Variants in MEGF6 observed in about 807,000 individuals in gnomAD.
The protein encoded by MEGF6 is multiple EGF like domains 6, also known as multiple epidermal growth factor-like domains protein 6.
In MEGF6, 184 loss-of-function variants were observed where a neutral mutation model predicts 207.1. The ratio of observed to expected loss-of-function variants is 0.89; its 90% CI spans 0.79 to 1.00. The LOEUF is 1.00. MEGF6 is among the 50% of genes least tolerant of loss of function. The pLI, the probability that MEGF6 is intolerant of heterozygous loss-of-function variation, is 0.00. For missense variants in MEGF6, 2,282 were observed against 2,202.9 expected (o/e 1.04, Z -0.72); for synonymous variants, 1,038 against 910.0 (o/e 1.14, Z -2.53).
At chr1:3,550,494 C>G (rs1400101767) in intron 4 of MEGF6, among the ~76,000 whole-genome samples, 1 of 139,806 alleles carries the variant, frequency 7.2e-6, no homozygotes, top group Non-Finnish European at 1.5e-5. Context: ...CACAAAGGGT[C>G]GCTATGTTTC....
At position 3,531,504 on chromosome 1, in the gene MEGF6, G is replaced by GC. The variant is rs996367271; in HGVS notation, c.482-7259dup. The GC allele has an allele frequency of 4.9e-5, 52 of 1,051,584 alleles. 1 individual carries two copies. The highest frequency in any genetic ancestry group is 5.3e-5 in the Non-Finnish European group (46 of 873,790). The allele number at this position is 1,051,584 out of a possible 1,614,324, so 65.1% of individuals were successfully genotyped here. ...AAGTCCGCAGACAACCGAGGGAGCC[G>GC]CCCCCGGCCCCGCCCCGAGCCCCGC... On this transcript the variant is annotated intron_variant, in intron 4 of 36. Coordinates refer to ENST00000356575, the MANE Select transcript of MEGF6 (RefSeq NM_001409.4).
At position 3,595,428 on chromosome 1, in the gene MEGF6, A is replaced by G. The variant is rs1172986358; in HGVS notation, c.286T>C (p.Tyr96His). ...HERRTVYYMG[Y>H]RQVYTTEART... ...GCCTCCGTGGTATACACCTGCCTGT[A>G]GCCCATGTAGTAGACGGTTCTAGAA... is the stretch of plus-strand genomic sequence containing the variant. The change falls in exon 3 of 37, where the codon TAC becomes CAC. Residue 96 changes from tyrosine (Y) to histidine (H), a missense_variant. Coordinates refer to ENST00000356575, the MANE Select transcript of MEGF6 (RefSeq NM_001409.4). 1.1e-5 allele frequency: 18 copies of G among 1,612,630 alleles called. No individual in the cohort carries two copies. Among genetic ancestry groups the G allele is most frequent in the Non-Finnish European group, 1.5e-5 (18 of 1,179,840 alleles).
At chr1:3,623,813 C>A in the MEGF6 span, among the ~76,000 whole-genome samples, 1 of 152,190 alleles carries the variant, frequency 6.6e-6, no homozygotes, top group African/African-American at 2.4e-5. Context: ...ATTTTGGCCT[C>A]CCTTTTCTCT....
chr1:3,577,971 C>T lies in MEGF6; in HGVS notation c.481+1854G>A, dbSNP rs988552954. 9.4e-4 allele frequency among the ~76,000 whole-genome samples: 143 copies of T among 152,358 alleles called. 1 individual carries two copies. Among genetic ancestry groups the T allele is most frequent in the Non-Finnish European group, 2.1e-4 (14 of 68,032 alleles). Reference sequence around the variant, plus strand: ...GCAAGCCCTGTGCCTGCCGATGCCCCGGGGTCCACGCGTCAGGGTCTCATG... The same window carrying T: ...GCAAGCCCTGTGCCTGCCGATGCCCTGGGGTCCACGCGTCAGGGTCTCATG... On this transcript the variant is annotated intron_variant, in intron 4 of 36. Coordinates refer to ENST00000356575, the MANE Select transcript of MEGF6 (RefSeq NM_001409.4).
chr1:3,497,051 A>C lies in MEGF6; in HGVS notation c.3550T>G (p.Cys1184Gly), dbSNP rs1640637667. ...GAGCAGGTCCCGGTGGCAGGGTGGC[A>C]GGCCGGGTTCTCACCGGGACACTGG... The part of the protein sequence containing the change: ...MCQCPGENPA[C>G]HPATGTCSCA... The change falls in exon 28 of 37, where the codon TGC becomes GGC. Residue 1184 changes from cysteine to glycine, a missense_variant. Transcript: ENST00000356575. 1 of 1,557,432 alleles carries C rather than the reference A, an allele frequency of 6.4e-7. No individual in the cohort carries two copies. Among genetic ancestry groups the C allele is most frequent in the East Asian group, 2.4e-5 (1 of 41,610 alleles).
intron 4 of MEGF6, among the ~76,000 whole-genome samples, chr1:3,526,709 C>T (rs1315592953): frequency 6.6e-6 from 1 of 152,182 alleles, no homozygotes; most frequent in Non-Finnish European, 1.5e-5. Context: ...CAGGTGACAC[C>T]TTTTATCCGA....
At chr1:3,511,831 G>A (rs1570007437) in intron 8 of MEGF6, 144 bp from the exon 9 acceptor site, 1 of 1,432,142 alleles carries the variant, frequency 7.0e-7, no homozygotes, top group Non-Finnish European at 9.4e-7. Context: ...CCCAGGCCTT[G>A]TTGGGTCTGG....
Position 3,565,746 on chromosome 1 carries a change from G to C in MEGF6, c.481+14079C>G, listed in dbSNP as rs924722299. ...CCACTGCAGTTTCCCAGGAGGGCAG[G>C]GGACCCCCAAGTGGAGGTGGCCACG... On this transcript the variant is annotated intron_variant, in intron 4 of 36. Transcript: ENST00000356575. This position sits in a 1 kb window ranked among gnomAD's most constrained non-coding sequence, Gnocchi z 4.8. Among the ~76,000 whole-genome samples, 1 of 152,178 alleles carries C rather than the reference G, an allele frequency of 6.6e-6. No homozygotes were observed. The highest frequency in any genetic ancestry group is 2.4e-5 in the African/African-American group (1 of 41,438).
intron 4 of MEGF6, among the ~76,000 whole-genome samples, chr1:3,534,182 G>A (rs574283418): frequency 2.6e-4 from 40 of 152,208 alleles, no homozygotes; most frequent in Non-Finnish European, 4.1e-4. Flanking sequence ...GTGGACCTGC[G>A]TGCTAGCGTC....
the MEGF6 span, among the ~76,000 whole-genome samples, chr1:3,618,404 G>A: frequency 6.1e-3 from 930 of 152,204 alleles, 8 homozygotes; most frequent in African/African-American, 0.022. The surrounding 1 kb of genome is among the most constrained non-coding windows in gnomAD (Gnocchi z 4.7). Flanking sequence ...ATCCACGGCC[G>A]AGAGACCACC....
chr1:3,596,272 G>A (rs1644063269), intron 2 of MEGF6, among the ~76,000 whole-genome samples: 2 of 152,022 alleles, frequency 1.3e-5, no homozygotes, highest in Non-Finnish European at 2.9e-5. Flanking sequence ...GGAGACGGCA[G>A]TGTCCTGCTG....
chr1:3,559,513 C>T (rs1468576514), intron 4 of MEGF6, among the ~76,000 whole-genome samples: 1 of 125,164 alleles, frequency 8.0e-6, no homozygotes, highest in Non-Finnish European at 1.6e-5. Context: ...AGAGCTAGAC[C>T]TTGTCTCTTA....
intron 34 of MEGF6, chr1:3,492,978 G>A (rs1640435067): frequency 1.6e-6 from 1 of 622,598 alleles, no homozygotes; most frequent in African/African-American, 1.8e-5. Flanking sequence ...TGCAGCCAGT[G>A]AGCTCCTGCA....
rs564039493 is a variant in MEGF6, at chr1:3,570,052, G to A, written c.481+9773C>T. ...CACAAACAGGAATCCCCTTCCCAGA[G>A]TCAGCCCTTTGAAAGACAGGCTGGA... On this transcript the variant is annotated intron_variant, in intron 4 of 36. Coordinates refer to ENST00000356575, the MANE Select transcript of MEGF6 (RefSeq NM_001409.4). 1.1e-4 allele frequency among the ~76,000 whole-genome samples: 17 copies of A among 152,350 alleles called. No individual in the cohort carries two copies. The East Asian group carries it at 3.3e-3, about 29-fold the overall frequency.
chr1:3,549,671 G>A (rs1275414325), intron 4 of MEGF6, among the ~76,000 whole-genome samples: 6 of 152,152 alleles, frequency 3.9e-5, no homozygotes, highest in African/African-American at 9.7e-5. Flanking sequence ...AGCTCACCCC[G>A]CTCTCTGGCC....
intron 4 of MEGF6, among the ~76,000 whole-genome samples, chr1:3,562,461 T>A (rs1308606951): frequency 6.6e-6 from 1 of 152,118 alleles, no homozygotes; most frequent in Non-Finnish European, 1.5e-5. Context: ...CCTCGCATAG[T>A]CAATACCCAC....
Position 3,499,710 on chromosome 1 carries a change from G to C in MEGF6, c.2843C>G (p.Pro948Arg). The C allele has an allele frequency of 1.9e-6, 3 of 1,604,320 alleles. No individual in the cohort carries two copies. The highest frequency in any genetic ancestry group is 2.6e-6 in the Non-Finnish European group (3 of 1,176,462). ...WRGTFCEHAC[P>R]AGFFGLDCRS... ...ACAGTCCAATCCAAAGAAGCCGGCC[G>C]GGCAGGCTGCAGACAGCGGGCAGTG... Residue 948 changes from proline (P) to arginine (R), a missense_variant, in exon 23 of 37, where the codon CCG becomes CGG. Coordinates refer to ENST00000356575, the MANE Select transcript of MEGF6 (RefSeq NM_001409.4).
At chr1:3,559,757 A>C (rs897776009) in intron 4 of MEGF6, among the ~76,000 whole-genome samples, 1 of 152,142 alleles carries the variant, frequency 6.6e-6, no homozygotes, top group Admixed American at 6.5e-5. Context: ...CAAGCCTGTA[A>C]TCCCAACACT....
chr1:3,556,400 G>A lies in MEGF6; in HGVS notation c.481+23425C>T, dbSNP rs527734139. Among the ~76,000 whole-genome samples, 4 of 152,328 alleles carry A rather than the reference G, an allele frequency of 2.6e-5. No homozygotes were observed. Among genetic ancestry groups the A allele is most frequent in the East Asian group, 1.9e-4 (1 of 5,180 alleles). On this transcript the variant is annotated intron_variant, in intron 4 of 36. Coordinates refer to ENST00000356575, the MANE Select transcript of MEGF6 (RefSeq NM_001409.4). The surrounding 1 kb of genome is among the most constrained non-coding windows in gnomAD (Gnocchi z 4.4). ...GGTAAGTGGCGCATCCAAAACCGCC[G>A]GCTGGCTGAACCAAATTGGCCCGGG...
Sources: allele counts gnomAD v4.1 joint callset (sites outside exome capture counted in the v4.1 genomes callset), GRCh38; gene constraint gnomAD v4.1.1; non-coding constraint Gnocchi (gnomAD v3.1); transcripts MANE v1.5; gene names NCBI Gene and HGNC (gene_info 2026-07-23, HGNC 2026-07-21).